The following CCDC178 variants were observed in gnomAD, a reference collection of about 807,000 sequenced individuals.
CCDC178 encodes coiled-coil domain containing 178.
In CCDC178, 126 loss-of-function variants were observed where a neutral mutation model predicts 117.4. The observed-to-expected ratio is 1.07, with a 90% CI of 0.93 to 1.24. CCDC178 has a LOEUF of 1.24. Ranked by LOEUF, CCDC178 falls within the 50% of genes most tolerant of loss-of-function variation. The pLI, the probability that CCDC178 is intolerant of heterozygous loss-of-function variation, is 0.00. For synonymous variants in CCDC178, 283 were observed against 313.4 expected (o/e 0.90, Z 1.02); for missense variants, 1,030 against 986.9 (o/e 1.04, Z -0.59).
At chr18:33,031,503 G>GTA (rs1442542804) in intron 21 of CCDC178, among the ~76,000 whole-genome samples, 1 of 151,894 alleles carries the variant, frequency 6.6e-6, no homozygotes, top group African/African-American at 2.4e-5. Context: ...TCAGTGACAT[G>GTA]TATATATATT....
intron 20 of CCDC178, among the ~76,000 whole-genome samples, chr18:33,183,090 T>C (rs901931999): frequency 6.6e-6 from 1 of 152,036 alleles, no homozygotes; most frequent in African/African-American, 2.4e-5. Flanking sequence ...AGGATTAGGT[T>C]ATTTCACCGA....
intron 3 of CCDC178, among the ~76,000 whole-genome samples, chr18:33,408,602 C>T (rs1367148236): frequency 6.6e-6 from 1 of 151,822 alleles, no homozygotes; most frequent in Non-Finnish European, 1.5e-5. Context: ...ATTATAAGTG[C>T]ACAAATATAT....
At chr18:33,266,860 T>C in intron 14 of CCDC178, 56 bp downstream of exon 14, 1 of 1,390,500 alleles carries the variant, frequency 7.2e-7, no homozygotes, top group Non-Finnish European at 9.7e-7. Context: ...GAGAGGTTTA[T>C]TGTATTTAAC....
chr18:33,082,559 A>G (rs185995980), intron 21 of CCDC178, among the ~76,000 whole-genome samples: 4 of 152,276 alleles, frequency 2.6e-5, no homozygotes, highest in East Asian at 1.9e-4. Context: ...TTAGTTTAGT[A>G]TAATTGAAAT....
At chr18:33,316,370 A>G (rs1026415190) in intron 11 of CCDC178, among the ~76,000 whole-genome samples, 7 of 152,172 alleles carry the variant, frequency 4.6e-5, no homozygotes, top group Non-Finnish European at 7.4e-5. Context: ...CTGGGCGGGC[A>G]GCTGCTGCGC....
rs2059515670 is a variant in CCDC178 at position 33,243,846 on chromosome 18, G to T, written c.1593+1399C>A. On this transcript the variant is annotated intron_variant, in intron 15 of 22. Transcript: ENST00000383096. ...CAGTTAAGTGGCCAAGTAAGTGGAT[G>T]ATGATATCTTCATTGATATCCTCAA... Among the ~76,000 whole-genome samples, 11 of 151,808 alleles carry T rather than the reference G, an allele frequency of 7.2e-5. No homozygotes were observed. In the South Asian group the frequency reaches 2.3e-3, roughly 32 times the overall value.
intron 21 of CCDC178, among the ~76,000 whole-genome samples, chr18:33,092,302 A>C (rs2057478036): frequency 6.6e-6 from 1 of 152,074 alleles, no homozygotes. Flanking sequence ...TAGAATTCCC[A>C]ATGATTTTCA....
chr18:32,992,432 T>C (rs1236048749), intron 21 of CCDC178, among the ~76,000 whole-genome samples: 1 of 152,132 alleles, frequency 6.6e-6, no homozygotes, highest in Non-Finnish European at 1.5e-5. Context: ...TTATGGCTCA[T>C]GGGTGTTTAA....
intron 2 of CCDC178, among the ~76,000 whole-genome samples, chr18:33,424,566 A>C (rs1429110545): frequency 6.6e-6 from 1 of 152,210 alleles, no homozygotes; most frequent in East Asian, 1.9e-4. Flanking sequence ...GACGCTGTGC[A>C]TAGGGCTTGA....
intron 20 of CCDC178, among the ~76,000 whole-genome samples, chr18:33,209,430 G>C (rs2059082197): frequency 6.6e-6 from 1 of 151,944 alleles, no homozygotes; most frequent in African/African-American, 2.4e-5. Context: ...CATCCCTACA[G>C]ATGATCCATA....
intron 21 of CCDC178, among the ~76,000 whole-genome samples, chr18:33,053,174 T>C (rs1482962348): frequency 6.6e-6 from 1 of 152,202 alleles, no homozygotes; most frequent in African/African-American, 2.4e-5. Flanking sequence ...ATCTGGTGTC[T>C]GGACATCAGC....
At position 33,363,258 on chromosome 18, in the gene CCDC178, G is replaced by A. The variant is rs186383676; in HGVS notation, c.348+6792C>T. ...GAAGTAAACCAAATCAGATTCATACGAAACTTCAAAGTTTTCATTAGAATT... is the reference window on the plus strand; with the variant it reads ...GAAGTAAACCAAATCAGATTCATACAAAACTTCAAAGTTTTCATTAGAATT... On this transcript the variant is annotated intron_variant, in intron 6 of 22. Transcript: ENST00000383096. Among the ~76,000 whole-genome samples, 257 of 152,094 alleles carry A rather than the reference G, an allele frequency of 1.7e-3. 3 individuals are homozygous for A. The highest frequency in any genetic ancestry group is 5.9e-3 in the African/African-American group (247 of 41,540).
intron 18 of CCDC178, 77 bp downstream of exon 18, chr18:33,223,029 T>C: frequency 9.2e-7 from 1 of 1,089,944 alleles, no homozygotes; most frequent in Admixed American, 2.6e-5. Flanking sequence ...TCATTTAAAA[T>C]TAAACTTGCT....
intron 21 of CCDC178, among the ~76,000 whole-genome samples, chr18:33,009,323 G>A (rs1181264329): frequency 2.0e-5 from 3 of 151,986 alleles, no homozygotes; most frequent in Non-Finnish European, 4.4e-5. Flanking sequence ...AGCTCTCAAT[G>A]GTTTTCCAGC....
chr18:33,186,017 G>T (rs2058789403), intron 20 of CCDC178, among the ~76,000 whole-genome samples: 1 of 151,904 alleles, frequency 6.6e-6, no homozygotes, highest in Admixed American at 6.6e-5. Context: ...CTGCCTTAAT[G>T]ATTCCATATT....
intron 11 of CCDC178, among the ~76,000 whole-genome samples, chr18:33,299,793 A>C (rs1237248535): frequency 6.6e-6 from 1 of 151,834 alleles, no homozygotes. Flanking sequence ...AAACACAAAA[A>C]ACAAAAAACA....
chr18:32,977,013 A>T (rs879405200), intron 21 of CCDC178, among the ~76,000 whole-genome samples: 14 of 152,042 alleles, frequency 9.2e-5, no homozygotes, highest in Non-Finnish European at 1.9e-4. Context: ...AAGAGATTAG[A>T]TTTTTGCTAT....
chr18:33,184,786 G>A (rs753265139), intron 20 of CCDC178, among the ~76,000 whole-genome samples: 1 of 151,932 alleles, frequency 6.6e-6, no homozygotes, highest in African/African-American at 2.4e-5. Context: ...AAAAAATGAT[G>A]GGAAAATGTG....
Position 33,317,046 on chromosome 18 carries a change from G to C in CCDC178, c.1022+6445C>G, listed in dbSNP as rs1432865641. Among the ~76,000 whole-genome samples, 3 of 152,266 alleles carry C rather than the reference G, an allele frequency of 2.0e-5. No homozygotes were observed. In the East Asian group the frequency reaches 5.8e-4, roughly 30 times the overall value. Reference sequence around the variant, plus strand: ...AAAATGGACTAATCAGCAGGATGTGGATGGGGCCAGATAAGAGAATAAAAT... The same window carrying C: ...AAAATGGACTAATCAGCAGGATGTGCATGGGGCCAGATAAGAGAATAAAAT... On this transcript the variant is annotated intron_variant, in intron 11 of 22. Transcript: ENST00000383096.
Sources: allele counts gnomAD v4.1 joint callset (sites outside exome capture counted in the v4.1 genomes callset), GRCh38; gene constraint gnomAD v4.1.1; transcripts MANE v1.5; gene names NCBI Gene and HGNC (gene_info 2026-07-23, HGNC 2026-07-21).